CCHCR1: variants seen among roughly 807,000 people sequenced by gnomAD.
The protein encoded by CCHCR1 is HCR (a-helix coiled-coil rod homologue).
In CCHCR1, 91 loss-of-function variants were observed where a neutral mutation model predicts 114.6. The ratio of observed to expected loss-of-function variants is 0.79; its 90% CI spans 0.67 to 0.94. The LOEUF (loss-of-function observed/expected upper bound fraction) is 0.94, where lower values mean the gene tolerates loss of function less well. Ranked by LOEUF, CCHCR1 falls within the 40% of genes least tolerant of loss-of-function variation. CCHCR1 has a pLI of 0.00. For missense variants in CCHCR1, 899 were observed against 1,079.9 expected (o/e 0.83, Z 2.35); for synonymous variants, 379 against 428.5 (o/e 0.88, Z 1.43).
chr6:31,143,125 G>A lies in CCHCR1; in HGVS notation c.2329C>T (p.Gln777Ter), dbSNP rs1448525102. ...RDKNLMLATL[Q>*]QEGLLSRYKQ... The stretch of plus-strand genomic sequence containing the variant: ...TAACGGGAGAGGAGACCTTCCTGCT[G>A]CAAGGTGGCCTGGGAAGGAGAGGGT... The change falls in exon 17 of 18, where the codon CAG (glutamine) becomes TAG (stop). Residue 777 changes from glutamine to a stop codon, truncating the protein, a stop_gained. Transcript: ENST00000396268. LOFTEE classifies it high-confidence loss of function. This position sits in a 1 kb window ranked among gnomAD's most constrained non-coding sequence, Gnocchi z 5.3. 2 of 1,612,906 alleles carry A rather than the reference G, an allele frequency of 1.2e-6. No individual in the cohort carries two copies. The highest frequency in any genetic ancestry group is 2.2e-5 in the East Asian group (1 of 44,874).
Position 31,142,715 on chromosome 6 carries a change from C to T in CCHCR1, c.2493G>A (p.Gly831=), listed in dbSNP as rs773660182. The T allele has an allele frequency of 1.2e-6, 2 of 1,607,446 alleles. No homozygotes were observed. The highest frequency in any genetic ancestry group is 2.2e-5 in the South Asian group (2 of 90,978). The part of the protein sequence containing the change: ...AAVPTRESIK[G]SLSVLLDDLQ... ...GGTCATCGAGCAGGACAGAGAGGGA[C>T]CCTGGGAAGGAAGACAGCAGATGAG... The change falls in exon 18 of 18, where the codon GGG becomes GGA. Residue 831 remains glycine (G), a splice_region_variant and synonymous_variant. Coordinates refer to ENST00000396268, the MANE Select transcript of CCHCR1 (RefSeq NM_001105564.2).
At position 31,156,907 on chromosome 6, in the gene CCHCR1, A is replaced by C. The variant is rs1341451401; in HGVS notation, c.321T>G (p.Ala107=). The C allele has an allele frequency of 6.2e-7, 1 of 1,612,790 alleles. No homozygotes were observed. The highest frequency in any genetic ancestry group is 8.5e-7 in the Non-Finnish European group (1 of 1,180,022). Residue 107 remains alanine (A), a synonymous_variant, in exon 3 of 18, where the codon GCT becomes GCG. Coordinates refer to ENST00000396268, the MANE Select transcript of CCHCR1 (RefSeq NM_001105564.2). Reference sequence around the variant, plus strand: ...TTCTTGGCAGAGTTGAAAGGGGCCGAGCTTGAAAGTGGGAGGGGGGAATCA... The same window carrying C: ...TTCTTGGCAGAGTTGAAAGGGGCCGCGCTTGAAAGTGGGAGGGGGGAATCA... ...TGLIPPSHFQ[A]RPLSTLPRMA...
At chr6:31,156,058 G>A (rs1775958003) in intron 3 of CCHCR1, among the ~76,000 whole-genome samples, 1 of 152,222 alleles carries the variant, frequency 6.6e-6, no homozygotes, top group African/African-American at 2.4e-5. Flanking sequence ...TTATAGGTGT[G>A]AGCCGCCATA....
In CCHCR1 at chr6:31,154,335, C is replaced by T. The variant is rs564611430; in HGVS notation, c.801+161G>A. Reference sequence around the variant, plus strand: ...GAATTAAGATAAAAGTACCCAAATTCTCCATCTTTCTAGGCCATGTGTGTT... The same window carrying T: ...GAATTAAGATAAAAGTACCCAAATTTTCCATCTTTCTAGGCCATGTGTGTT... On this transcript the variant is annotated intron_variant, in intron 4 of 17. Coordinates refer to ENST00000396268, the MANE Select transcript of CCHCR1 (RefSeq NM_001105564.2). The surrounding 1 kb of genome is among the most constrained non-coding windows in gnomAD (Gnocchi z 4.1). 1.4e-3 allele frequency among the ~76,000 whole-genome samples: 219 copies of T among 152,324 alleles called. No homozygotes were observed. The highest frequency in any genetic ancestry group is 2.9e-4 in the Non-Finnish European group (20 of 68,032).
intron 3 of CCHCR1, among the ~76,000 whole-genome samples, chr6:31,155,489 A>G (rs368779845): frequency 1.3e-5 from 2 of 151,512 alleles, no homozygotes; most frequent in East Asian, 2.0e-4. Context: ...CTGTAGTCCC[A>G]GCTGCTTGGG....
Position 31,143,456 on chromosome 6 carries a change from G to A in CCHCR1, c.2168-43C>T. ...CACAGAGGAGGCAGGTGTGAGTCAG[G>A]CCAGAGGCAGCCAGGCACCATGAAG... On this transcript the variant is annotated intron_variant, in intron 15 of 17. Coordinates refer to ENST00000396268, the MANE Select transcript of CCHCR1 (RefSeq NM_001105564.2). The surrounding 1 kb of genome is among the most constrained non-coding windows in gnomAD (Gnocchi z 5.3). The A allele has an allele frequency of 6.3e-7, 1 of 1,596,786 alleles. No individual in the cohort carries two copies.
chr6:31,145,124 G>A (rs1774129209), intron 13 of CCHCR1, 42 bp downstream of exon 13: 2 of 1,606,910 alleles, frequency 1.2e-6, no homozygotes, highest in Admixed American at 1.7e-5. Context: ...CTAGACACCG[G>A]GTTTTTCCTC....
At chr6:31,146,002 C>A (rs1229285281) in intron 10 of CCHCR1, among the ~76,000 whole-genome samples, 194 bp from the exon 11 acceptor site, 1 of 152,148 alleles carries the variant, frequency 6.6e-6, no homozygotes, top group Non-Finnish European at 1.5e-5. Flanking sequence ...ACCTGTTAAG[C>A]TTATTTCTCA....
intron 11 of CCHCR1, 71 bp downstream of exon 11, chr6:31,145,625 C>A (rs562445737): frequency 4.2e-6 from 6 of 1,445,452 alleles, no homozygotes; most frequent in South Asian, 1.1e-5. Context: ...TCAGAGAGAG[C>A]TGGGTCAGGA....
rs1392770368 is a variant in CCHCR1, at chr6:31,154,283, C to T, written c.801+213G>A. Among the ~76,000 whole-genome samples, 2 of 152,174 alleles carry T rather than the reference C, an allele frequency of 1.3e-5. No homozygotes were observed. Among genetic ancestry groups the T allele is most frequent in the Non-Finnish European group, 2.9e-5 (2 of 68,040 alleles). ...AGGGCTTCAAGTGGTGGGAGGCCACCTGAGTCTTGGGGGAAAAGTGCAACC... is the reference window on the plus strand; with the variant it reads ...AGGGCTTCAAGTGGTGGGAGGCCACTTGAGTCTTGGGGGAAAAGTGCAACC... On this transcript the variant is annotated intron_variant, in intron 4 of 17. Coordinates refer to ENST00000396268, the MANE Select transcript of CCHCR1 (RefSeq NM_001105564.2). The surrounding 1 kb of genome is among the most constrained non-coding windows in gnomAD (Gnocchi z 4.1).
chr6:31,153,006 T>A (rs995660188), intron 4 of CCHCR1, among the ~76,000 whole-genome samples: 2 of 151,808 alleles, frequency 1.3e-5, no homozygotes, highest in African/African-American at 4.8e-5. Context: ...GCTTGTTGTT[T>A]TTTTAGTCTC....
At position 31,143,857 on chromosome 6, in the gene CCHCR1, G is replaced by A. The variant is rs376110269; in HGVS notation, c.2168-444C>T. On this transcript the variant is annotated intron_variant, in intron 15 of 17. Coordinates refer to ENST00000396268, the MANE Select transcript of CCHCR1 (RefSeq NM_001105564.2). This position sits in a 1 kb window ranked among gnomAD's most constrained non-coding sequence, Gnocchi z 5.3. ...GGGCGGATCACGAGGTTAGGAGCTC[G>A]AGACCATCCTGGCCAACATGGTGTA... Among the ~76,000 whole-genome samples, 289 of 152,236 alleles carry A rather than the reference G, an allele frequency of 1.9e-3. No individual in the cohort carries two copies. The highest frequency in any genetic ancestry group is 6.5e-3 in the African/African-American group (272 of 41,558).
intron 3 of CCHCR1, among the ~76,000 whole-genome samples, chr6:31,155,916 G>A (rs1472206691): frequency 6.6e-6 from 1 of 152,120 alleles, no homozygotes; most frequent in Non-Finnish European, 1.5e-5. Flanking sequence ...TGAGTAGCTA[G>A]GACTACAAAT....
chr6:31,154,912 A>G lies in CCHCR1; in HGVS notation c.498-113T>C. On this transcript the variant is annotated intron_variant, in intron 3 of 17. Coordinates refer to ENST00000396268, the MANE Select transcript of CCHCR1 (RefSeq NM_001105564.2). This position sits in a 1 kb window ranked among gnomAD's most constrained non-coding sequence, Gnocchi z 4.1. ...AGGACCCCTCTGCTTCCGTGTGGGG[A>G]GGTGAAGGGGGTGCTGAAGCTGGGG... is the stretch of plus-strand genomic sequence containing the variant. 1.0e-6 allele frequency: 1 copy of G among 985,640 alleles called. No homozygotes were observed. Among genetic ancestry groups the G allele is most frequent in the Admixed American group, 2.9e-5 (1 of 35,076 alleles). 61.1% of individuals were successfully genotyped at this position (985,640 alleles called of 1,614,324 possible).
Position 31,148,707 on chromosome 6 carries a change from C to A in CCHCR1, c.1384G>T (p.Val462Leu), listed in dbSNP as rs770423964. 6.2e-7 allele frequency: 1 copy of A among 1,612,632 alleles called. No individual in the cohort carries two copies. The highest frequency in any genetic ancestry group is 8.5e-7 in the Non-Finnish European group (1 of 1,179,698). ...GCCTGCTCCTGGCTCTGGGATGTCACTTTTTCCTGGAGTGAGGCCACCTGG... is the reference window on the plus strand; with the variant it reads ...GCCTGCTCCTGGCTCTGGGATGTCAATTTTTCCTGGAGTGAGGCCACCTGG... ...KGQVASLQEK[V>L]TSQSQEQAIL... is the part of the protein sequence containing the mutation. Residue 462 changes from valine to leucine, a missense_variant, in exon 9 of 18, where the codon GTG becomes TTG. Coordinates refer to ENST00000396268, the MANE Select transcript of CCHCR1 (RefSeq NM_001105564.2).
At chr6:31,146,759 C>T (rs1292210511) in intron 10 of CCHCR1, among the ~76,000 whole-genome samples, 3 of 152,156 alleles carry the variant, frequency 2.0e-5, no homozygotes, top group African/African-American at 4.8e-5. Context: ...GGAGGACTTT[C>T]GGCAAATGCA....
In CCHCR1 at chr6:31,150,702, C is replaced by T. The variant is rs1486305808; in HGVS notation, c.1101+23G>A. The T allele has an allele frequency of 6.2e-7, 1 of 1,609,392 alleles. No homozygotes were observed. The highest frequency in any genetic ancestry group is 2.2e-5 in the East Asian group (1 of 44,870). ...CCAACCTGATCCCTAAGTCTGCACA[C>T]AGATACATTCCTGCACCCTCACCTG... On this transcript the variant is annotated intron_variant, in intron 6 of 17. Transcript: ENST00000396268. This position sits in a 1 kb window ranked among gnomAD's most constrained non-coding sequence, Gnocchi z 5.3.
At position 31,144,981 on chromosome 6, in the gene CCHCR1, G is replaced by A; in HGVS notation, c.1969C>T (p.Gln657Ter). The part of the protein sequence containing the change: ...TQESLASLGL[Q>*]LEVARQGQQE... Reference sequence around the variant, plus strand: ...TGGCCCTGGCGTGCTACCTCCAGCTGCAGCCCCAAGCTAGCCAGGGACTCC... The same window carrying A: ...TGGCCCTGGCGTGCTACCTCCAGCTACAGCCCCAAGCTAGCCAGGGACTCC... Residue 657 changes from glutamine to a stop codon, truncating the protein, a stop_gained, in exon 14 of 18, where the codon CAG becomes TAG. Coordinates refer to ENST00000396268, the MANE Select transcript of CCHCR1 (RefSeq NM_001105564.2). LOFTEE classifies it high-confidence loss of function. The surrounding 1 kb of genome is among the most constrained non-coding windows in gnomAD (Gnocchi z 4.6). 1 of 1,608,328 alleles carries A rather than the reference G, an allele frequency of 6.2e-7. No individual in the cohort carries two copies. The highest frequency in any genetic ancestry group is 1.3e-5 in the African/African-American group (1 of 75,020).
rs1773700062 is a variant in CCHCR1 at position 31,142,644 on chromosome 6, T to A, written c.2564A>T (p.Gln855Leu). 1.2e-6 allele frequency: 2 copies of A among 1,613,626 alleles called. No individual in the cohort carries two copies. The highest frequency in any genetic ancestry group is 1.7e-6 in the Non-Finnish European group (2 of 1,179,988). ...EAISKEEAVC[Q>L]GDNLDRCSSS... is the part of the protein sequence containing the mutation. Reference sequence around the variant, plus strand: ...GGAGCATCTGTCAAGGTTGTCTCCTTGACAAACAGCTTCCTCTTTGGAAAT... The same window carrying A: ...GGAGCATCTGTCAAGGTTGTCTCCTAGACAAACAGCTTCCTCTTTGGAAAT... Residue 855 changes from glutamine (Q) to leucine (L), a missense_variant, in exon 18 of 18, where the codon CAA becomes CTA. Physicochemically the swap from Gln to Leu is moderately radical, Grantham distance 113. Coordinates refer to ENST00000396268, the MANE Select transcript of CCHCR1 (RefSeq NM_001105564.2).
Sources: allele counts gnomAD v4.1 joint callset (sites outside exome capture counted in the v4.1 genomes callset), GRCh38; gene constraint gnomAD v4.1.1; non-coding constraint Gnocchi (gnomAD v3.1); transcripts MANE v1.5; gene names NCBI Gene and HGNC (gene_info 2026-07-23, HGNC 2026-07-21).